Variants in FOXP2 observed in about 807,000 individuals in gnomAD.
The protein encoded by FOXP2 is forkhead box P2.
Under a neutral mutation model 115.8 loss-of-function variants are expected in FOXP2, and 12 were observed. The ratio of observed to expected loss-of-function variants is 0.10; its 90% CI spans 0.07 to 0.17. The LOEUF is 0.17. Ranked by LOEUF, FOXP2 falls within the 10% of genes least tolerant of loss-of-function variation. The pLI is 1.00. For missense variants in FOXP2, 629 were observed against 843.5 expected, an observed-to-expected ratio of 0.75 and a Z score of 3.15; for synonymous variants, 328 against 297.7, an observed-to-expected ratio of 1.10 and a Z score of -1.05.
At chr7:114,209,554 G>A (rs906743205) in intron 1 of FOXP2, among the ~76,000 whole-genome samples, 1 of 152,072 alleles carries the variant, frequency 6.6e-6, no homozygotes, top group African/African-American at 2.4e-5. Flanking sequence ...AGGTCACCTG[G>A]TCTTTCTTTC....
intron 2 of FOXP2, among the ~76,000 whole-genome samples, chr7:114,378,962 G>A (rs1792212652): frequency 6.6e-6 from 1 of 151,584 alleles, no homozygotes; most frequent in South Asian, 2.1e-4. Context: ...ATAATATACA[G>A]CCCTTTAAGG....
chr7:114,518,462 A>C (rs1212735650), intron 2 of FOXP2, among the ~76,000 whole-genome samples: 1 of 152,114 alleles, frequency 6.6e-6, no homozygotes, highest in African/African-American at 2.4e-5. Flanking sequence ...GTAATATTCT[A>C]AGAATTGCCT....
At chr7:114,566,418 C>G (rs1402302811) in intron 3 of FOXP2, among the ~76,000 whole-genome samples, 1 of 151,946 alleles carries the variant, frequency 6.6e-6, no homozygotes, top group Non-Finnish European at 1.5e-5. Context: ...TGGTGCCATC[C>G]TTGTGATGGT....
chr7:114,222,355 G>T (rs1794646281), intron 1 of FOXP2, among the ~76,000 whole-genome samples: 1 of 152,054 alleles, frequency 6.6e-6, no homozygotes, highest in Non-Finnish European at 1.5e-5. Context: ...TCACCATGTA[G>T]CCCGGGCTGT....
intron 1 of FOXP2, among the ~76,000 whole-genome samples, chr7:114,190,838 G>T (rs1793739319): frequency 6.6e-6 from 1 of 152,012 alleles, no homozygotes; most frequent in Non-Finnish European, 1.5e-5. Context: ...AATATAAAAA[G>T]AAAAATTGCT....
In FOXP2 at chr7:114,690,258, A is replaced by G. The variant is rs1356306776; in HGVS notation, c.*332A>G. 1 of 466,784 alleles carries G rather than the reference A, an allele frequency of 2.1e-6. No homozygotes were observed. Among genetic ancestry groups the G allele is most frequent in the South Asian group, 1.5e-5 (1 of 64,590 alleles). The allele number at this position is 466,784 out of a possible 1,614,324, so 28.9% of individuals were successfully genotyped here. Reference sequence around the variant, plus strand: ...TCTTAAGGGTTCATGAAATGACTGAATATGAGGATACATGTCCTGTAGAAA... The same window carrying G: ...TCTTAAGGGTTCATGAAATGACTGAGTATGAGGATACATGTCCTGTAGAAA... On this transcript the variant is annotated 3_prime_UTR_variant, in exon 17 of 17. Coordinates refer to ENST00000350908, the MANE Select transcript of FOXP2 (RefSeq NM_014491.4).
chr7:114,244,987 C>T (rs935867478), intron 1 of FOXP2, among the ~76,000 whole-genome samples: 9 of 152,172 alleles, frequency 5.9e-5, no homozygotes, highest in Non-Finnish European at 8.8e-5. Flanking sequence ...TGGTCTCGAT[C>T]TCCTGACCTC....
chr7:114,149,674 A>T (rs1792479020), intron 1 of FOXP2, among the ~76,000 whole-genome samples: 1 of 152,116 alleles, frequency 6.6e-6, no homozygotes, highest in Non-Finnish European at 1.5e-5. Flanking sequence ...AAAAGAAATG[A>T]ACATCAGCTG....
rs534167446 is a variant in FOXP2, at chr7:114,210,009, A to T, written c.-102+46921A>T. Among the ~76,000 whole-genome samples, 119 of 152,254 alleles carry T rather than the reference A, an allele frequency of 7.8e-4. 1 individual carries two copies. The highest frequency in any genetic ancestry group is 7.7e-3 in the Admixed American group (118 of 15,294). Reference sequence around the variant, plus strand: ...AGTTATGTTCTTCTCCATACTGGCTATTTTGGCTGTTGGCTGCTGTATTGT... The same window carrying T: ...AGTTATGTTCTTCTCCATACTGGCTTTTTTGGCTGTTGGCTGCTGTATTGT... On this transcript the variant is annotated intron_variant, in intron 1 of 17. Coordinates refer to the FOXP2 transcript ENST00000634411.
intron 2 of FOXP2, among the ~76,000 whole-genome samples, chr7:114,344,695 A>AT (rs1791299096): frequency 6.6e-6 from 1 of 151,836 alleles, no homozygotes; most frequent in South Asian, 2.1e-4. Flanking sequence ...AGATCATAAA[A>AT]TTGTTACATA....
At chr7:114,438,292 C>A (rs748976760) in intron 2 of FOXP2, among the ~76,000 whole-genome samples, 39 of 152,040 alleles carry the variant, frequency 2.6e-4, no homozygotes, top group Non-Finnish European at 4.1e-4. Flanking sequence ...CAGAAATAGA[C>A]CCCAATTCAA....
chr7:114,195,347 C>T (rs550363196), intron 1 of FOXP2, among the ~76,000 whole-genome samples: 3 of 152,218 alleles, frequency 2.0e-5, no homozygotes, highest in African/African-American at 7.2e-5. Flanking sequence ...TGTATATATT[C>T]TGTTCATTAT....
chr7:114,359,967 A>G (rs1421337879), intron 2 of FOXP2, among the ~76,000 whole-genome samples: 1 of 152,038 alleles, frequency 6.6e-6, no homozygotes, highest in Non-Finnish European at 1.5e-5. Context: ...AGGACATGAG[A>G]TTTGGGAGGG....
intron 2 of FOXP2, among the ~76,000 whole-genome samples, chr7:114,453,993 G>T (rs1397271195): frequency 1.3e-5 from 2 of 152,036 alleles, no homozygotes; most frequent in Non-Finnish European, 2.9e-5. Flanking sequence ...AAAAGCAATG[G>T]CAACACAAGA....
intron 2 of FOXP2, among the ~76,000 whole-genome samples, chr7:114,332,151 G>A (rs950351233): frequency 6.6e-6 from 1 of 152,048 alleles, no homozygotes; most frequent in African/African-American, 2.4e-5. Context: ...TGCATGAGTA[G>A]GGGGTAATGT....
At chr7:114,449,096 A>G (rs1794960991) in intron 2 of FOXP2, among the ~76,000 whole-genome samples, 2 of 152,118 alleles carry the variant, frequency 1.3e-5, no homozygotes, top group African/African-American at 4.8e-5. Context: ...TTGTTGTGAG[A>G]ACTAAATGAG....
intron 16 of FOXP2, among the ~76,000 whole-genome samples, chr7:114,677,018 T>G (rs928463505): frequency 6.6e-6 from 1 of 151,934 alleles, no homozygotes; most frequent in African/African-American, 2.4e-5. Context: ...TACAAAAAAT[T>G]AGCCGGGCGT....
intron 2 of FOXP2, among the ~76,000 whole-genome samples, chr7:114,442,367 T>A (rs895266131): frequency 6.7e-6 from 1 of 148,978 alleles, no homozygotes; most frequent in African/African-American, 2.5e-5. Context: ...TTTTTTTGAG[T>A]GATGGAAAAT....
intron 1 of FOXP2, among the ~76,000 whole-genome samples, chr7:114,415,985 T>C (rs1023451643): frequency 6.6e-6 from 1 of 152,036 alleles, no homozygotes; most frequent in African/African-American, 2.4e-5. Flanking sequence ...TTTCCAGGAA[T>C]ACACATTGTG....
Sources: allele counts gnomAD v4.1 joint callset (sites outside exome capture counted in the v4.1 genomes callset), GRCh38; gene constraint gnomAD v4.1.1; transcripts MANE v1.5; gene names NCBI Gene and HGNC (gene_info 2026-07-23, HGNC 2026-07-21).